DNER: variants seen among roughly 807,000 people sequenced by gnomAD.
DNER encodes the protein delta and Notch-like epidermal growth factor-related receptor.
DNER carries 33 observed loss-of-function variants against 78.2 expected under a neutral mutation model. The ratio of observed to expected loss-of-function variants is 0.42; its 90% CI spans 0.32 to 0.56. The LOEUF (loss-of-function observed/expected upper bound fraction) is 0.56, where lower values mean the gene tolerates loss of function less well. Ranked by LOEUF, DNER falls within the 20% of genes least tolerant of loss-of-function variation. The pLI is 0.11. For missense variants in DNER, 918 were observed against 975.3 expected (o/e 0.94, Z 0.78); for synonymous variants, 417 against 384.8 (o/e 1.08, Z -0.98).
At chr2:229,558,088 G>A (rs1165739787) in intron 4 of DNER, among the ~76,000 whole-genome samples, 1 of 152,200 alleles carries the variant, frequency 6.6e-6, no homozygotes, top group Non-Finnish European at 1.5e-5. Flanking sequence ...GGACATGGAT[G>A]GAGCTGGGGG....
At chr2:229,446,617 G>A (rs1169002175) in intron 8 of DNER, among the ~76,000 whole-genome samples, 2 of 152,282 alleles carry the variant, frequency 1.3e-5, no homozygotes, top group African/African-American at 2.4e-5. Context: ...GAATAGAAAC[G>A]AGAGGAAAGG....
intron 1 of DNER, among the ~76,000 whole-genome samples, chr2:229,693,756 G>A (rs1216353856): frequency 6.6e-6 from 1 of 152,152 alleles, no homozygotes; most frequent in South Asian, 2.1e-4. Flanking sequence ...AGCAGCAAAG[G>A]GTTCAAGATG....
chr2:229,525,920 C>A (rs1221767748), intron 5 of DNER, among the ~76,000 whole-genome samples: 1 of 152,190 alleles, frequency 6.6e-6, no homozygotes, highest in African/African-American at 2.4e-5. Flanking sequence ...TAGACCCACA[C>A]AAATTGATAT....
chr2:229,645,016 G>GAA (rs5839346), intron 1 of DNER, among the ~76,000 whole-genome samples: 5 of 147,552 alleles, frequency 3.4e-5, no homozygotes, highest in African/African-American at 1.2e-4. Context: ...GCCTTTAGTA[G>GAA]AAAAAAAAAA....
chr2:229,574,861 A>G (rs1467838513), intron 4 of DNER, among the ~76,000 whole-genome samples: 3 of 152,332 alleles, frequency 2.0e-5, no homozygotes, highest in East Asian at 3.9e-4. Flanking sequence ...CTATAAAAAA[A>G]GGCAATTTAA....
intron 1 of DNER, among the ~76,000 whole-genome samples, chr2:229,594,995 A>C (rs1697683962): frequency 1.4e-5 from 2 of 143,980 alleles, no homozygotes; most frequent in Non-Finnish European, 3.0e-5. Flanking sequence ...AAAACTCTAA[A>C]TCTGTCCTAG....
chr2:229,464,686 C>A (rs1694765753), intron 7 of DNER, among the ~76,000 whole-genome samples: 1 of 152,074 alleles, frequency 6.6e-6, no homozygotes, highest in Non-Finnish European at 1.5e-5. Flanking sequence ...TATAAAAAAA[C>A]AAGTAAATAG....
intron 1 of DNER, among the ~76,000 whole-genome samples, chr2:229,625,968 G>A (rs941460298): frequency 1.3e-5 from 2 of 151,642 alleles, no homozygotes; most frequent in Non-Finnish European, 2.9e-5. Context: ...TGCCCAGGCC[G>A]GACTGCAGTG....
At chr2:229,385,100 TAAAA>T (rs57663031) in intron 11 of DNER, among the ~76,000 whole-genome samples, 1 of 110,924 alleles carries the variant, frequency 9.0e-6, no homozygotes. Flanking sequence ...AGACTCCATC[TAAAA>T]AAAAAAAAAA....
At position 229,588,475 on chromosome 2, in the gene DNER, A is replaced by G. The variant is rs962055655; in HGVS notation, c.599T>C (p.Ile200Thr). 6.4e-7 allele frequency: 1 copy of G among 1,567,760 alleles called. No individual in the cohort carries two copies. Among genetic ancestry groups the G allele is most frequent in the Non-Finnish European group, 8.7e-7 (1 of 1,150,188 alleles). Residue 200 changes from isoleucine to threonine, a missense_variant, in exon 3 of 13, where the codon ATT (isoleucine) becomes ACT (threonine). Coordinates refer to ENST00000341772, the MANE Select transcript of DNER (RefSeq NM_139072.4). ...GTTAGAACTGGCATTCCCACAGGCA[A>G]TATCTGGGATCACCTGGGAAGGGAA... Reference protein sequence around the residue: ...KWDQVEVIPDIACGNASSNSS... With the variant: ...KWDQVEVIPDTACGNASSNSS...
intron 11 of DNER, among the ~76,000 whole-genome samples, chr2:229,376,266 G>GA (rs1465807997): frequency 6.6e-6 from 1 of 152,118 alleles, no homozygotes; most frequent in East Asian, 1.9e-4. Flanking sequence ...CTGCCTTCAT[G>GA]AACTAGGTTA....
chr2:229,404,252 G>T (rs1243398897), intron 10 of DNER, among the ~76,000 whole-genome samples: 2 of 152,126 alleles, frequency 1.3e-5, no homozygotes, highest in Non-Finnish European at 2.9e-5. Context: ...CCCAAGACTG[G>T]GTAATTTAGA....
intron 6 of DNER, among the ~76,000 whole-genome samples, chr2:229,499,935 T>G (rs796179295): frequency 8.3e-6 from 1 of 120,044 alleles, no homozygotes; most frequent in Non-Finnish European, 2.0e-5. Flanking sequence ...TTCTTTCTTT[T>G]TTTTTTTTTT....
chr2:229,709,755 G>T (rs1226513441), intron 1 of DNER, among the ~76,000 whole-genome samples: 1 of 152,158 alleles, frequency 6.6e-6, no homozygotes, highest in Non-Finnish European at 1.5e-5. Flanking sequence ...AGGATCCTTA[G>T]GGAACATGTA....
At chr2:229,570,800 C>T (rs1475580996) in intron 4 of DNER, among the ~76,000 whole-genome samples, 1 of 151,860 alleles carries the variant, frequency 6.6e-6, no homozygotes, top group Non-Finnish European at 1.5e-5. Flanking sequence ...GGAGGGAGTC[C>T]AGATGAGGGC....
chr2:229,360,398 T>C (rs1187346968), intron 12 of DNER, among the ~76,000 whole-genome samples: 1 of 152,180 alleles, frequency 6.6e-6, no homozygotes. Context: ...TATATATCTT[T>C]AAAACATCCT....
At chr2:229,444,137 G>T (rs16826028) in intron 8 of DNER, among the ~76,000 whole-genome samples, 9,182 of 152,184 alleles carry the variant, frequency 0.06, 944 homozygotes, top group African/African-American at 0.21. Flanking sequence ...CAAGTCAAAC[G>T]CTCCAAGTGG....
chr2:229,580,829 C>A (rs1697379093), intron 4 of DNER, among the ~76,000 whole-genome samples: 1 of 152,060 alleles, frequency 6.6e-6, no homozygotes, highest in East Asian at 1.9e-4. Context: ...TCCAGGGTAC[C>A]TGGAATTTAG....
At chr2:229,566,482 T>G (rs1697110656) in intron 4 of DNER, among the ~76,000 whole-genome samples, 1 of 152,160 alleles carries the variant, frequency 6.6e-6, no homozygotes, top group Non-Finnish European at 1.5e-5. Flanking sequence ...TGCACCATGA[T>G]TTGAGAGAAG....
Sources: gnomAD v4.1 joint callset for allele counts (sites outside exome capture counted in the v4.1 genomes callset) on GRCh38, gnomAD v4.1.1 for gene constraint, MANE v1.5 for transcripts, NCBI Gene and HGNC (gene_info 2026-07-23, HGNC 2026-07-21) for gene names.